The following CDH4 variants were observed in gnomAD, a reference collection of about 807,000 sequenced individuals.
CDH4 encodes the protein cadherin-4.
A neutral mutation model predicts 86.0 loss-of-function variants in CDH4; 33 were observed. The ratio of observed to expected loss-of-function variants is 0.38; its 90% confidence interval spans 0.29 to 0.51. CDH4 has a LOEUF of 0.51. CDH4 is among the 20% of genes least tolerant of loss of function. The pLI is 0.86. For missense variants in CDH4, 1,114 were observed against 1,307.4 expected, an observed-to-expected ratio of 0.85 and a Z score of 2.28; for synonymous variants, 555 against 549.4, an observed-to-expected ratio of 1.01 and a Z score of -0.14.
chr20:61,375,323 G>C (rs542521214), intron 2 of CDH4, among the ~76,000 whole-genome samples: 1 of 152,274 alleles, frequency 6.6e-6, no homozygotes, highest in Admixed American at 6.5e-5. Flanking sequence ...AGGTGATGGT[G>C]GTGACAGTGG....
At chr20:61,256,570 CG>C (rs2084099047) in intron 2 of CDH4, among the ~76,000 whole-genome samples, 1 of 152,184 alleles carries the variant, frequency 6.6e-6, no homozygotes, top group South Asian at 2.1e-4. Flanking sequence ...GATCACTGGC[CG>C]GATGTCGGCC....
At chr20:61,628,798 G>T (rs181534970) in intron 2 of CDH4, among the ~76,000 whole-genome samples, 1 of 152,224 alleles carries the variant, frequency 6.6e-6, no homozygotes, top group Admixed American at 6.5e-5. Context: ...ATCCCAGGTC[G>T]TCTCTGGACA....
intron 2 of CDH4, among the ~76,000 whole-genome samples, chr20:61,599,133 T>G (rs2064550): frequency 0.98 from 149,346 of 152,266 alleles, 73,249 homozygotes; most frequent in East Asian, 1. Context: ...TTGGTGGATC[T>G]CCCACCATGG....
intron 2 of CDH4, among the ~76,000 whole-genome samples, chr20:61,659,299 C>A (rs963203027): frequency 6.6e-6 from 1 of 152,162 alleles, no homozygotes; most frequent in Non-Finnish European, 1.5e-5. Flanking sequence ...AAAAGAAGCA[C>A]AATTGATCCG....
chr20:61,680,199 C>G (rs953383899), intron 2 of CDH4, among the ~76,000 whole-genome samples: 3 of 152,240 alleles, frequency 2.0e-5, no homozygotes, highest in East Asian at 1.9e-4. Context: ...GTCACCACCC[C>G]CTGCCCCTGT....
intron 2 of CDH4, among the ~76,000 whole-genome samples, chr20:61,406,483 TCTG>T: frequency 1.4e-5 from 2 of 138,950 alleles, no homozygotes; most frequent in Non-Finnish European, 3.1e-5. Context: ...TGGACCACCA[TCTG>T]CCATCTGCTC....
intron 2 of CDH4, among the ~76,000 whole-genome samples, chr20:61,547,636 A>G (rs1266146831): frequency 1.3e-5 from 2 of 151,710 alleles, no homozygotes; most frequent in Non-Finnish European, 2.9e-5. Flanking sequence ...ATGCTTTCAC[A>G]CTCCTTGGCC....
rs568116135 is a variant in CDH4 at position 61,849,709 on chromosome 20, C to G, written c.733-3045C>G. Among the ~76,000 whole-genome samples the G allele has an allele frequency of 2.1e-4, 32 of 152,310 alleles. No individual in the cohort carries two copies. In the South Asian group the frequency reaches 6.2e-3, roughly 30 times the overall value. On this transcript the variant is annotated intron_variant, in intron 5 of 15. Transcript: ENST00000614565. ...CCCCCTGAAGGGCACCTGCATGCCTCGGCACGTGTCTCCTCCACTGTCACC... is the reference window on the plus strand; with the variant it reads ...CCCCCTGAAGGGCACCTGCATGCCTGGGCACGTGTCTCCTCCACTGTCACC...
At chr20:61,751,537 T>G (rs543460318) in intron 3 of CDH4, among the ~76,000 whole-genome samples, 53 of 152,370 alleles carry the variant, frequency 3.5e-4, no homozygotes, top group African/African-American at 1.3e-3. Flanking sequence ...CTGATGAGCC[T>G]TGTCAAATGC....
At chr20:61,770,609 C>T (rs955101546) in intron 3 of CDH4, among the ~76,000 whole-genome samples, 4 of 152,176 alleles carry the variant, frequency 2.6e-5, no homozygotes, top group Non-Finnish European at 1.5e-5. Flanking sequence ...AGGGTTCAGG[C>T]GCGGTGGCTC....
rs139933167 is a variant in CDH4, at chr20:61,920,732, G to A, written c.1375-2719G>A. Among the ~76,000 whole-genome samples, 1,054 of 150,446 alleles carry A rather than the reference G, an allele frequency of 7.0e-3. 11 individuals carry two copies. The highest frequency in any genetic ancestry group is 0.043 in the East Asian group (214 of 5,008). ...GGTGTCACGGTGATTGCATGGAAGC[G>A]TGGTGTGGTGATTGCATGGAAGCAT... is the stretch of plus-strand genomic sequence containing the variant. On this transcript the variant is annotated intron_variant, in intron 9 of 15. Transcript: ENST00000614565.
intron 2 of CDH4, among the ~76,000 whole-genome samples, chr20:61,632,056 G>A (rs1028363542): frequency 9.9e-5 from 15 of 152,246 alleles, no homozygotes; most frequent in Non-Finnish European, 2.2e-4. Flanking sequence ...TGACACGTCA[G>A]ATCATCCGGG....
intron 2 of CDH4, among the ~76,000 whole-genome samples, chr20:61,324,334 G>C (rs1314734134): frequency 1.3e-5 from 2 of 150,094 alleles, no homozygotes; most frequent in East Asian, 1.9e-4. Context: ...TTCCCAAACT[G>C]GGGGGGCTTA....
At position 61,928,398 on chromosome 20, in the gene CDH4, G is replaced by T; in HGVS notation, c.1980G>T (p.Lys660Asn). The T allele has an allele frequency of 6.2e-7, 1 of 1,611,990 alleles. No individual in the cohort carries two copies. The highest frequency in any genetic ancestry group is 8.5e-7 in the Non-Finnish European group (1 of 1,180,006). ...CCTTTGTCCCGGCGGCCGTGCGGAA[G>T]AACTGGACCATCACCCGCCTGAACG... ...ELPFVPAAVR[K>N]NWTITRLNGD... Residue 660 changes from lysine to asparagine, a missense_variant, in exon 12 of 16, where the codon AAG becomes AAT. Physicochemically the swap from Lys to Asn is moderately conservative, Grantham distance 94 (BLOSUM62 0). This residue lies in a region of CDH4 where 705 missense variants were observed against 914.1 expected (regional missense o/e 0.77). Transcript: ENST00000614565.
At chr20:61,414,356 T>A (rs1306536021) in intron 2 of CDH4, among the ~76,000 whole-genome samples, 2 of 152,186 alleles carry the variant, frequency 1.3e-5, no homozygotes, top group Admixed American at 6.5e-5. Context: ...AGGAATGGAC[T>A]CCCCTGCATT....
intron 4 of CDH4, among the ~76,000 whole-genome samples, chr20:61,805,307 A>G (rs1206209723): frequency 6.6e-6 from 1 of 152,228 alleles, no homozygotes; most frequent in Non-Finnish European, 1.5e-5. Flanking sequence ...GAGAGTGGAC[A>G]GTGGACAGTG....
intron 2 of CDH4, among the ~76,000 whole-genome samples, chr20:61,389,768 C>T (rs537882939): frequency 2.8e-4 from 42 of 152,296 alleles, no homozygotes; most frequent in African/African-American, 9.6e-4. Flanking sequence ...AAGGGCAGAC[C>T]CCACAACAAA....
chr20:61,276,193 C>T (rs1006122004), intron 2 of CDH4, among the ~76,000 whole-genome samples: 22 of 152,162 alleles, frequency 1.4e-4, no homozygotes, highest in Non-Finnish European at 4.4e-5. Context: ...CTTCTAGCAG[C>T]TTGACTTGGA....
At chr20:61,926,879 G>T (rs567216342) in intron 11 of CDH4, among the ~76,000 whole-genome samples, 2 of 151,756 alleles carry the variant, frequency 1.3e-5, no homozygotes, top group South Asian at 2.1e-4. Context: ...TCTCAAAAAA[G>T]AAAAAAAAGA....
Sources: allele counts gnomAD v4.1 joint callset (sites outside exome capture counted in the v4.1 genomes callset), GRCh38; gene constraint gnomAD v4.1.1; regional missense constraint gnomAD v4.1.1; transcripts MANE v1.5; gene names NCBI Gene and HGNC (gene_info 2026-07-23, HGNC 2026-07-21).